The following PLXND1 variants were observed in gnomAD, a reference collection of about 807,000 sequenced individuals.
PLXND1 encodes plexin D1, also known as plexin-D1.
Under a neutral mutation model 197.7 loss-of-function variants are expected in PLXND1, and 54 were observed. That is an observed-to-expected ratio of 0.27 (90% confidence interval 0.22 to 0.34). The LOEUF (loss-of-function observed/expected upper bound fraction) is 0.34. PLXND1 is among the 10% of genes least tolerant of loss of function. The pLI, the probability that PLXND1 is intolerant of heterozygous loss-of-function variation, is 1.00. For missense variants in PLXND1, 2,127 were observed against 2,699.2 expected (o/e 0.79, Z 4.70); for synonymous variants, 1,180 against 1,161.2 (o/e 1.02, Z -0.33).
At chr3:129,589,313 C>CCCCCCCCCCCCCCCCCCCA in intron 2 of PLXND1, 38 bp downstream of exon 2, 10 of 592,306 alleles carry the variant, frequency 1.7e-5, no homozygotes, top group East Asian at 1.7e-4. Context: ...GGGAGCCTCC[C>CCCCCCCCCCCCCCCCCCCA]ACCCCCACCC....
In PLXND1 at chr3:129,578,423, T is replaced by C; in HGVS notation, c.2252A>G (p.Asp751Gly). 1.9e-6 allele frequency: 3 copies of C among 1,589,368 alleles called. No homozygotes were observed. In the South Asian group the frequency reaches 3.4e-5, roughly 18 times the overall value. ...GGGTGAGAGCAGGGTCCGGGGGCAG[T>C]CCTGAGGGCTCTGCAGAGGAAACAG... ...EASPNPTSPQ[D>G]CPRTLLSPLA... Residue 751 changes from aspartate (D) to glycine (G), a missense_variant, in exon 9 of 36, where the codon GAC becomes GGC. Asp to Gly is a moderately conservative substitution (Grantham distance 94). Transcript: ENST00000324093.
At chr3:129,600,014 G>A (rs1037786741) in intron 1 of PLXND1, among the ~76,000 whole-genome samples, 4 of 152,208 alleles carry the variant, frequency 2.6e-5, no homozygotes, top group Admixed American at 2.0e-4. Context: ...AACCATGTAG[G>A]TGCTTATAAA....
intron 5 of PLXND1, among the ~76,000 whole-genome samples, chr3:129,585,047 C>G (rs992105569): frequency 6.6e-6 from 1 of 152,182 alleles, no homozygotes; most frequent in Non-Finnish European, 1.5e-5. Context: ...TTTTATCTTG[C>G]CTATTCTCCT....
rs543501266 is a variant in PLXND1, at chr3:129,589,617, T to C, written c.1312-90A>G. On this transcript the variant is annotated intron_variant, in intron 1 of 35. Coordinates refer to ENST00000324093, the MANE Select transcript of PLXND1 (RefSeq NM_015103.3). ...CTGGCTGGGATCTCAGGCCCTGGCA[T>C]CAGAGCTTTCAAGTCTTGTTCCTAC... is the stretch of plus-strand genomic sequence containing the variant. The C allele has an allele frequency of 1.5e-5, 17 of 1,138,752 alleles. No individual in the cohort carries two copies. The African/African-American group carries it at 2.0e-4, about 14-fold the overall frequency. The allele number at this position is 1,138,752 out of a possible 1,614,324, so 70.5% of individuals were successfully genotyped here. A position where few individuals can be genotyped will look rare whatever the true frequency, so the allele number is the denominator to read the frequency against.
intron 18 of PLXND1, 25 bp from the exon 19 acceptor site, chr3:129,570,960 C>A (rs760812534): frequency 1.9e-6 from 3 of 1,614,030 alleles, no homozygotes; most frequent in Non-Finnish European, 2.5e-6. Context: ...GGGGAGGATG[C>A]TCATGGGGAA....
At position 129,567,786 on chromosome 3, in the gene PLXND1, G is replaced by C; in HGVS notation, c.3885C>G (p.Thr1295=). The change falls in exon 21 of 36, where the codon ACC becomes ACG. Residue 1295 remains threonine, a synonymous_variant. Coordinates refer to ENST00000324093, the MANE Select transcript of PLXND1 (RefSeq NM_015103.3). The part of the protein sequence containing the change: ...LSVVALFVFC[T]KSRRAERYWQ... Reference sequence around the variant, plus strand: ...AGTAACGCTCAGCACGTCGGCTCTTGGTACAGAAGACGAACAGGGCTGCGG... The same window carrying C: ...AGTAACGCTCAGCACGTCGGCTCTTCGTACAGAAGACGAACAGGGCTGCGG... 6.2e-7 allele frequency: 1 copy of C among 1,611,852 alleles called. No individual in the cohort carries two copies. Among genetic ancestry groups the C allele is most frequent in the South Asian group, 1.1e-5 (1 of 91,006 alleles).
At chr3:129,600,858 G>C (rs1449909342) in intron 1 of PLXND1, among the ~76,000 whole-genome samples, 2 of 151,956 alleles carry the variant, frequency 1.3e-5, no homozygotes, top group Non-Finnish European at 2.9e-5. Context: ...TTGACGACGT[G>C]CACCCACCCA....
Position 129,589,415 on chromosome 3 carries a change from G to A in PLXND1, c.1424C>T (p.Ala475Val), listed in dbSNP as rs866945757. 2 of 1,611,104 alleles carry A rather than the reference G, an allele frequency of 1.2e-6. No individual in the cohort carries two copies. Among genetic ancestry groups the A allele is most frequent in the African/African-American group, 2.7e-5 (2 of 74,732 alleles). ...TGTGTAGTTGTTGACGCTGGCCACG[G>A]CCACGGAGGTGAGGCCCGGGGCGCG... The part of the protein sequence containing the change: ...VFRAPGLTSV[A>V]VASVNNYTAV... Residue 475 changes from alanine (A) to valine (V), a missense_variant, in exon 2 of 36, where the codon GCC becomes GTC. This residue lies in a region of PLXND1 where 1,095 missense variants were observed against 1,259.8 expected (regional missense o/e 0.87). Coordinates refer to ENST00000324093, the MANE Select transcript of PLXND1 (RefSeq NM_015103.3).
intron 20 of PLXND1, among the ~76,000 whole-genome samples, chr3:129,568,978 C>G (rs1160381803): frequency 1.3e-5 from 2 of 152,226 alleles, no homozygotes; most frequent in Non-Finnish European, 2.9e-5. Context: ...TCCCTAGTCC[C>G]TGGCAATCAC....
intron 13 of PLXND1, 86 bp downstream of exon 13, chr3:129,573,508 C>T (rs2085266946): frequency 1.5e-6 from 2 of 1,329,002 alleles, no homozygotes; most frequent in Admixed American, 3.6e-5. Context: ...AGAGTGAGGA[C>T]AGAGGATGGG....
chr3:129,573,825 C>T (rs2085272305), intron 12 of PLXND1, 80 bp from the exon 13 acceptor site: 1 of 1,474,084 alleles, frequency 6.8e-7, no homozygotes, highest in African/African-American at 1.4e-5. Context: ...CACAGGCACC[C>T]AGCAGGGCAC....
At chr3:129,560,455 C>T in intron 30 of PLXND1, 21 bp from the exon 31 acceptor site, 2 of 1,536,574 alleles carry the variant, frequency 1.3e-6, no homozygotes, top group Non-Finnish European at 1.8e-6. Context: ...GGGCAGTGGT[C>T]AGTGTCCGCA....
chr3:129,570,002 T>C (rs770915816), intron 19 of PLXND1, 45 bp from the exon 20 acceptor site: 4 of 1,102,102 alleles, frequency 3.6e-6, no homozygotes, highest in African/African-American at 1.5e-5. Flanking sequence ...CCTGGACTTA[T>C]ACTCTAGTTC....
intron 8 of PLXND1, among the ~76,000 whole-genome samples, chr3:129,582,952 A>T (rs558981696): frequency 2.3e-4 from 35 of 152,218 alleles, no homozygotes; most frequent in Non-Finnish European, 4.7e-4. Flanking sequence ...TTCTGAGGCC[A>T]GCCCATCCTC....
chr3:129,589,546 G>C lies in PLXND1; in HGVS notation c.1312-19C>G. On this transcript the variant is annotated intron_variant, in intron 1 of 35. Coordinates refer to ENST00000324093, the MANE Select transcript of PLXND1 (RefSeq NM_015103.3). ...GCTGGAGCTGGAAGAGGAACGGCAC[G>C]TCAGATCCCAGCTCCAGAACCTTCT... 6.5e-7 allele frequency: 1 copy of C among 1,544,266 alleles called. No individual in the cohort carries two copies. Among genetic ancestry groups the C allele is most frequent in the Non-Finnish European group, 8.7e-7 (1 of 1,147,354 alleles).
rs112106611 is a variant in PLXND1, at chr3:129,571,150, G to T, written c.3490C>A (p.Arg1164=). The change falls in exon 18 of 36, where the codon CGG becomes AGG. Residue 1164 remains arginine, a synonymous_variant. Transcript: ENST00000324093. ...EELLDPEEAQ[R]GSRFRLDYLP... ...TAGTCCAGGCGGAACCTGCTGCCCC[G>T]CTGTGCCTCCTCGGGGTCCAGTAGC... 2.5e-6 allele frequency: 4 copies of T among 1,614,200 alleles called. No individual in the cohort carries two copies. Among genetic ancestry groups the T allele is most frequent in the African/African-American group, 2.7e-5 (2 of 75,060 alleles).
chr3:129,571,374 A>G (rs2085225231), intron 17 of PLXND1, 71 bp from the exon 18 acceptor site: 2 of 1,566,926 alleles, frequency 1.3e-6, no homozygotes, highest in South Asian at 1.1e-5. Flanking sequence ...AACGGTGGGG[A>G]GTGGGGTTTG....
At position 129,570,824 on chromosome 3, in the gene PLXND1, C is replaced by T. The variant is rs915858830; in HGVS notation, c.3712G>A (p.Glu1238Lys). Reference sequence around the variant, plus strand: ...TGCCCCACGGCCGCGCCCAGGGACTCGTTGACCGAGCAGTGGATGATTCTG... The same window carrying T: ...TGCCCCACGGCCGCGCCCAGGGACTTGTTGACCGAGCAGTGGATGATTCTG... The part of the protein sequence containing the change: ...SDRIIHCSVN[E>K]SLGAAVGQLP... Residue 1238 changes from glutamate to lysine, a missense_variant, in exon 19 of 36, where the codon GAG (glutamate) becomes AAG (lysine). By Grantham distance (56) the Glu-to-Lys change is moderately conservative. Transcript: ENST00000324093. 8 of 1,614,092 alleles carry T rather than the reference C, an allele frequency of 5.0e-6. No individual in the cohort carries two copies. Among genetic ancestry groups the T allele is most frequent in the African/African-American group, 2.7e-5 (2 of 74,944 alleles).
chr3:129,562,608 C>T, intron 27 of PLXND1, 179 bp downstream of exon 27: 1 of 530,528 alleles, frequency 1.9e-6, no homozygotes, highest in East Asian at 3.0e-5. Flanking sequence ...AGTTCACTCA[C>T]ACTGCAGGAC....
Sources: allele counts gnomAD v4.1 joint callset (sites outside exome capture counted in the v4.1 genomes callset), GRCh38; gene constraint gnomAD v4.1.1; regional missense constraint gnomAD v4.1.1; transcripts MANE v1.5; gene names NCBI Gene and HGNC (gene_info 2026-07-23, HGNC 2026-07-21).